TIFA: variants seen among roughly 807,000 people sequenced by gnomAD.
TIFA encodes TRAF-interacting protein with FHA domain-containing protein A.
For synonymous variants in TIFA, 75 were observed against 79.2 expected (o/e 0.95, Z 0.28); for missense variants, 186 against 215.2 (o/e 0.86, Z 0.85).
In TIFA at chr4:112,276,083, T is replaced by C. The variant is rs1727106989; in HGVS notation, c.*1779A>G. 1 of 152,268 alleles carries C rather than the reference T, an allele frequency of 6.6e-6. No individual in the cohort carries two copies. The highest frequency in any genetic ancestry group is 1.5e-5 in the Non-Finnish European group (1 of 68,046). 9.4% of individuals were successfully genotyped at this position (152,268 alleles called of 1,614,324 possible). On this transcript the variant is annotated 3_prime_UTR_variant, in exon 2 of 2. Coordinates refer to ENST00000361717, the MANE Select transcript of TIFA (RefSeq NM_052864.3). ...AACAAATTACTGTGATTTAGTGGCT[T>C]ACGACCAACACAAATTTATCATCAT... is the stretch of plus-strand genomic sequence containing the variant.
rs1297582820 is a variant in TIFA at position 112,277,625 on chromosome 4, A to C, written c.*237T>G. ...TCTCAAAGGATACTTTTTGTATATTAATCCTCACAGATTAATAAGAGCAGT... is the reference window on the plus strand; with the variant it reads ...TCTCAAAGGATACTTTTTGTATATTCATCCTCACAGATTAATAAGAGCAGT... On this transcript the variant is annotated 3_prime_UTR_variant, in exon 2 of 2. Coordinates refer to ENST00000361717, the MANE Select transcript of TIFA (RefSeq NM_052864.3). 4 of 368,538 alleles carry C rather than the reference A, an allele frequency of 1.1e-5. No homozygotes were observed. Among genetic ancestry groups the C allele is most frequent in the Non-Finnish European group, 1.9e-5 (4 of 205,896 alleles). 22.8% of individuals were successfully genotyped at this position (368,538 alleles called of 1,614,324 possible).
chr4:112,279,441 TAA>T (rs998331694), intron 1 of TIFA, among the ~76,000 whole-genome samples: 26 of 152,074 alleles, frequency 1.7e-4, no homozygotes, highest in South Asian at 1.7e-3. Flanking sequence ...ACAAAGGATT[TAA>T]AAAAAAGAGT....
chr4:112,277,826 T>C lies in TIFA; in HGVS notation c.*36A>G. 1 of 1,542,294 alleles carries C rather than the reference T, an allele frequency of 6.5e-7. No homozygotes were observed. The highest frequency in any genetic ancestry group is 8.7e-7 in the Non-Finnish European group (1 of 1,147,282). ...GTCTATACAGCATCTACAGAGCTCT[T>C]CATCCATCATATTTCTCCTCTTAGA... On this transcript the variant is annotated 3_prime_UTR_variant, in exon 2 of 2. Coordinates refer to ENST00000361717, the MANE Select transcript of TIFA (RefSeq NM_052864.3).
Position 112,278,491 on chromosome 4 carries a change from T to C in TIFA, c.-18-57A>G, listed in dbSNP as rs1030959783. 44 of 1,436,176 alleles carry C rather than the reference T, an allele frequency of 3.1e-5. No homozygotes were observed. The Middle Eastern group carries it at 1.5e-3, about 48-fold the overall frequency. 89.0% of individuals were successfully genotyped at this position (1,436,176 alleles called of 1,614,324 possible). On this transcript the variant is annotated intron_variant, in intron 1 of 1. Transcript: ENST00000361717. ...GCTTATGCTTGAGGCATTGAGAACT[T>C]TGATTCTAACGTTTTGATGAACATC...
At chr4:112,282,978 T>G (rs1727254018) in intron 1 of TIFA, among the ~76,000 whole-genome samples, 1 of 152,186 alleles carries the variant, frequency 6.6e-6, no homozygotes, top group Non-Finnish European at 1.5e-5. Flanking sequence ...GGACTCTGCA[T>G]GCAGCGGGCA....
chr4:112,277,710 T>C lies in TIFA; in HGVS notation c.*152A>G, dbSNP rs1727142681. The C allele has an allele frequency of 8.8e-6, 6 of 679,434 alleles. No homozygotes were observed. The highest frequency in any genetic ancestry group is 1.1e-5 in the Non-Finnish European group (5 of 468,884). The allele number at this position is 679,434 out of a possible 1,614,324, so 42.1% of individuals were successfully genotyped here. A position where few individuals can be genotyped will look rare whatever the true frequency, so the allele number is the denominator to read the frequency against. On this transcript the variant is annotated 3_prime_UTR_variant, in exon 2 of 2. Transcript: ENST00000361717. Reference sequence around the variant, plus strand: ...GTGACTAAGTTAATGACTAACACAATTTACAGACTTCAAAATGATAATACT... The same window carrying C: ...GTGACTAAGTTAATGACTAACACAACTTACAGACTTCAAAATGATAATACT...
chr4:112,280,809 A>C (rs1267827710), intron 1 of TIFA, among the ~76,000 whole-genome samples: 2 of 152,170 alleles, frequency 1.3e-5, no homozygotes, highest in Non-Finnish European at 2.9e-5. Flanking sequence ...TTATTTTCAT[A>C]ATATATTTTT....
intron 1 of TIFA, among the ~76,000 whole-genome samples, chr4:112,279,920 G>A (rs955834622): frequency 2.6e-5 from 4 of 152,006 alleles, no homozygotes; most frequent in South Asian, 2.1e-4. Context: ...CACCCGCCTC[G>A]CCCTCCCAAA....
rs1398683592 is a variant in TIFA, at chr4:112,275,626, T to C, written c.*2236A>G. ...TTGCCAATCTTTGAAGAAAAGAAAATAGAATAAAAAATTTAATATTTCTCA... is the reference window on the plus strand; with the variant it reads ...TTGCCAATCTTTGAAGAAAAGAAAACAGAATAAAAAATTTAATATTTCTCA... On this transcript the variant is annotated 3_prime_UTR_variant, in exon 2 of 2. Transcript: ENST00000361717. 2 of 152,076 alleles carry C rather than the reference T, an allele frequency of 1.3e-5. No individual in the cohort carries two copies. Among genetic ancestry groups the C allele is most frequent in the African/African-American group, 4.8e-5 (2 of 41,404 alleles). 9.4% of individuals were successfully genotyped at this position (152,076 alleles called of 1,614,324 possible). A position where few individuals can be genotyped will look rare whatever the true frequency, so the allele number is the denominator to read the frequency against.
At chr4:112,283,095 C>T (rs922575667) in intron 1 of TIFA, among the ~76,000 whole-genome samples, 13 of 152,166 alleles carry the variant, frequency 8.5e-5, no homozygotes, top group South Asian at 2.1e-4. Context: ...TAAAAACCAG[C>T]CCAGATCATA....
intron 1 of TIFA, among the ~76,000 whole-genome samples, chr4:112,278,724 G>A (rs1727170436): frequency 6.6e-6 from 1 of 152,154 alleles, no homozygotes; most frequent in Admixed American, 6.5e-5. Flanking sequence ...AATGATTTGA[G>A]GGAAGCATAA....
chr4:112,274,559 T>C lies in TIFA; in HGVS notation c.*3303A>G, dbSNP rs191940523. On this transcript the variant is annotated 3_prime_UTR_variant, in exon 2 of 2. Transcript: ENST00000361717. The stretch of plus-strand genomic sequence containing the variant: ...CTGTTATCTTAATAATATAAGTAAT[T>C]AATTAAACAAGTGTTAGAGAATTGG... 4 of 152,258 alleles carry C rather than the reference T, an allele frequency of 2.6e-5. No homozygotes were observed. Among genetic ancestry groups the C allele is most frequent in the South Asian group, 4.1e-4 (2 of 4,824 alleles). 9.4% of individuals were successfully genotyped at this position (152,258 alleles called of 1,614,324 possible).
Position 112,278,391 on chromosome 4 carries a change from G to C in TIFA, c.26C>G (p.Thr9Arg). The change falls in exon 2 of 2, where the codon ACA becomes AGA. Residue 9 changes from threonine to arginine, a missense_variant. Coordinates refer to ENST00000361717, the MANE Select transcript of TIFA (RefSeq NM_052864.3). MTSFEDAD[T>R]EETVTCLQMT... is the part of the protein sequence containing the mutation. The stretch of plus-strand genomic sequence containing the variant: ...CTGGAGACAAGTTACTGTCTCTTCT[G>C]TGTCAGCATCTTCAAAACTGGTCAT... The C allele has an allele frequency of 1.3e-6, 2 of 1,575,680 alleles. No homozygotes were observed. Among genetic ancestry groups the C allele is most frequent in the South Asian group, 1.2e-5 (1 of 84,584 alleles).
Position 112,277,352 on chromosome 4 carries a change from T to C in TIFA, c.*510A>G, listed in dbSNP as rs1404432867. 2 of 152,424 alleles carry C rather than the reference T, an allele frequency of 1.3e-5. No individual in the cohort carries two copies. The highest frequency in any genetic ancestry group is 2.4e-5 in the African/African-American group (1 of 41,420). The allele number at this position is 152,424 out of a possible 1,614,324, so 9.4% of individuals were successfully genotyped here. A position where few individuals can be genotyped will look rare whatever the true frequency, so the allele number is the denominator to read the frequency against. On this transcript the variant is annotated 3_prime_UTR_variant, in exon 2 of 2. Coordinates refer to ENST00000361717, the MANE Select transcript of TIFA (RefSeq NM_052864.3). ...AGTAAGGTAGTATTTCTCAAATAAG[T>C]CCTCCCATGCTAAAACCACAGTGAC...
intron 1 of TIFA, among the ~76,000 whole-genome samples, chr4:112,280,320 C>CCTTTCTAT (rs1727203495): frequency 6.7e-6 from 1 of 148,558 alleles, no homozygotes; most frequent in Admixed American, 6.7e-5. Context: ...ATTTTCTTTC[C>CCTTTCTAT]CTTTCTATCT....
chr4:112,285,667 T>C lies in TIFA; in HGVS notation c.-46A>G, dbSNP rs2293111. The C allele has an allele frequency of 0.032, 4,923 of 152,430 alleles. 168 individuals carry two copies. The highest frequency in any genetic ancestry group is 0.15 in the East Asian group (790 of 5,154). 9.4% of individuals were successfully genotyped at this position (152,430 alleles called of 1,614,324 possible). A position where few individuals can be genotyped will look rare whatever the true frequency, so the allele number is the denominator to read the frequency against. On this transcript the variant is annotated 5_prime_UTR_variant, in exon 1 of 2. Coordinates refer to ENST00000361717, the MANE Select transcript of TIFA (RefSeq NM_052864.3). ...GGGGCTGGGGAGTCAGTGAACTCTCTTCAGCTGTTCGGCTCTCCCGGCTCA... is the reference window on the plus strand; with the variant it reads ...GGGGCTGGGGAGTCAGTGAACTCTCCTCAGCTGTTCGGCTCTCCCGGCTCA...
intron 1 of TIFA, among the ~76,000 whole-genome samples, chr4:112,283,271 T>C (rs966527721): frequency 6.6e-6 from 1 of 152,038 alleles, no homozygotes; most frequent in Admixed American, 6.6e-5. Context: ...CAAACAAGAA[T>C]CTAATACTGG....
At chr4:112,279,552 A>AT (rs1727183961) in intron 1 of TIFA, among the ~76,000 whole-genome samples, 1 of 152,214 alleles carries the variant, frequency 6.6e-6, no homozygotes, top group Non-Finnish European at 1.5e-5. Flanking sequence ...CATAACCAGC[A>AT]TAACTATATG....
chr4:112,280,839 T>C (rs1252569528), intron 1 of TIFA, among the ~76,000 whole-genome samples: 2 of 152,176 alleles, frequency 1.3e-5, no homozygotes, highest in African/African-American at 4.8e-5. Context: ...TGCATCATAT[T>C]GCTCTACCCA....
Sources: gnomAD v4.1 joint callset for allele counts (sites outside exome capture counted in the v4.1 genomes callset) on GRCh38, gnomAD v4.1.1 for gene constraint, MANE v1.5 for transcripts, NCBI Gene and HGNC (gene_info 2026-07-23, HGNC 2026-07-21) for gene names.